Variants in MARCHF1 observed in about 807,000 individuals in gnomAD.
The protein encoded by MARCHF1 is E3 ubiquitin-protein ligase MARCHF1.
Under a neutral mutation model 54.2 loss-of-function variants are expected in MARCHF1, and 40 were observed. The ratio of observed to expected loss-of-function variants is 0.74; its 90% CI spans 0.57 to 0.96. The LOEUF (loss-of-function observed/expected upper bound fraction) is 0.96, where lower values mean the gene tolerates loss of function less well. Ranked by LOEUF, MARCHF1 falls within the 40% of genes least tolerant of loss-of-function variation. The pLI is 0.00. For missense variants in MARCHF1, 586 were observed against 656.5 expected (o/e 0.89, Z 1.17); for synonymous variants, 236 against 236.3 (o/e 1.00, Z 0.01).
At chr4:164,142,986 T>A (rs1193686641) in intron 1 of MARCHF1, among the ~76,000 whole-genome samples, 2 of 151,726 alleles carry the variant, frequency 1.3e-5, no homozygotes, top group Non-Finnish European at 1.5e-5. Context: ...ACGGAGCTGA[T>A]GGAGCTGAAA....
chr4:164,244,130 C>T (rs1579654259), intron 1 of MARCHF1, among the ~76,000 whole-genome samples: 1 of 151,940 alleles, frequency 6.6e-6, no homozygotes, highest in Non-Finnish European at 1.5e-5. Flanking sequence ...ACAGAACTCT[C>T]CACCCCAAAT....
chr4:164,111,497 A>G (rs940727808), intron 2 of MARCHF1, 91 bp downstream of exon 2: 1 of 151,816 alleles, frequency 6.6e-6, no homozygotes, highest in Non-Finnish European at 1.5e-5. Flanking sequence ...TTAAAACAAA[A>G]TTAAACTCTA....
intron 1 of MARCHF1, among the ~76,000 whole-genome samples, chr4:164,156,990 TAAGAC>T (rs1158789124): frequency 5.3e-5 from 8 of 152,190 alleles, no homozygotes; most frequent in Non-Finnish European, 1.2e-4. Context: ...ACAATGATGC[TAAGAC>T]TAGACATCAA....
intron 8 of MARCHF1, among the ~76,000 whole-genome samples, chr4:163,559,852 A>T (rs1739410215): frequency 6.6e-6 from 1 of 152,188 alleles, no homozygotes; most frequent in Admixed American, 6.5e-5. Flanking sequence ...ACATTTGTAC[A>T]TATAGGAAGA....
At chr4:164,067,167 A>C (rs1440302154) in intron 2 of MARCHF1, among the ~76,000 whole-genome samples, 1 of 152,178 alleles carries the variant, frequency 6.6e-6, no homozygotes, top group Non-Finnish European at 1.5e-5. Flanking sequence ...CATATGGCCC[A>C]AAGAAATTCA....
At chr4:163,914,576 A>G (rs866973722) in intron 3 of MARCHF1, among the ~76,000 whole-genome samples, 1 of 152,170 alleles carries the variant, frequency 6.6e-6, no homozygotes, top group South Asian at 2.1e-4. Context: ...AGTGATAAAT[A>G]TATCAGATGG....
intron 3 of MARCHF1, among the ~76,000 whole-genome samples, chr4:163,973,399 G>A (rs954176181): frequency 2.6e-5 from 4 of 152,222 alleles, no homozygotes; most frequent in African/African-American, 7.2e-5. Context: ...AAATGGTTGG[G>A]CTACATGTCC....
At chr4:163,942,884 T>C (rs1337408942) in intron 3 of MARCHF1, among the ~76,000 whole-genome samples, 1 of 151,806 alleles carries the variant, frequency 6.6e-6, no homozygotes, top group Non-Finnish European at 1.5e-5. Flanking sequence ...CATCAACCAA[T>C]ATCCCCCTTC....
intron 5 of MARCHF1, among the ~76,000 whole-genome samples, chr4:163,636,785 C>T (rs912957968): frequency 1.3e-5 from 2 of 152,056 alleles, no homozygotes; most frequent in African/African-American, 4.8e-5. Context: ...CCTGCATTGC[C>T]AAGTCAATCC....
At chr4:163,691,854 A>C (rs1319230217) in intron 5 of MARCHF1, among the ~76,000 whole-genome samples, 1 of 152,168 alleles carries the variant, frequency 6.6e-6, no homozygotes, top group Non-Finnish European at 1.5e-5. Context: ...TGTGTGGCTG[A>C]TGATCATAGC....
intron 5 of MARCHF1, among the ~76,000 whole-genome samples, chr4:163,667,825 C>T (rs773278529): frequency 3.9e-5 from 6 of 152,076 alleles, no homozygotes; most frequent in Non-Finnish European, 7.4e-5. Context: ...TGGGGTTTCA[C>T]CATGTTGCCC....
intron 4 of MARCHF1, among the ~76,000 whole-genome samples, chr4:163,725,582 A>G (rs906813463): frequency 1.3e-5 from 2 of 152,234 alleles, no homozygotes; most frequent in African/African-American, 4.8e-5. Context: ...AATGAATTAT[A>G]CATTTTCCAT....
At chr4:164,054,361 G>A (rs1560882005) in intron 2 of MARCHF1, among the ~76,000 whole-genome samples, 1 of 151,996 alleles carries the variant, frequency 6.6e-6, no homozygotes. Context: ...GTGCAAGTCA[G>A]TGTGGCGATT....
chr4:163,992,874 T>C (rs1752994764), intron 2 of MARCHF1, among the ~76,000 whole-genome samples: 1 of 151,354 alleles, frequency 6.6e-6, no homozygotes, highest in South Asian at 2.1e-4. Flanking sequence ...TTTCTGAAAA[T>C]AGAAACAAGG....
At chr4:163,936,578 CA>C (rs1227393861) in intron 3 of MARCHF1, among the ~76,000 whole-genome samples, 1 of 152,150 alleles carries the variant, frequency 6.6e-6, no homozygotes, top group Non-Finnish European at 1.5e-5. Context: ...GATGGTACTT[CA>C]AGCTTGTGGA....
chr4:163,931,173 G>T (rs1331279594), intron 3 of MARCHF1, among the ~76,000 whole-genome samples: 1 of 152,144 alleles, frequency 6.6e-6, no homozygotes, highest in African/African-American at 2.4e-5. Context: ...GCATTGGATG[G>T]AACCTCAATC....
At chr4:164,167,003 T>C (rs1730398945) in intron 1 of MARCHF1, among the ~76,000 whole-genome samples, 1 of 150,896 alleles carries the variant, frequency 6.6e-6, no homozygotes, top group African/African-American at 2.5e-5. Context: ...AAAGCTTATA[T>C]ACTCTCAGAC....
At chr4:164,066,074 G>A (rs918507488) in intron 2 of MARCHF1, among the ~76,000 whole-genome samples, 1 of 152,008 alleles carries the variant, frequency 6.6e-6, no homozygotes, top group Non-Finnish European at 1.5e-5. Flanking sequence ...CAGCTATCTA[G>A]GCACCCTTCA....
At chr4:163,970,985 A>G (rs1159037394) in intron 3 of MARCHF1, among the ~76,000 whole-genome samples, 6 of 152,208 alleles carry the variant, frequency 3.9e-5, no homozygotes, top group Non-Finnish European at 7.3e-5. Flanking sequence ...ATTTCTGAAC[A>G]TTACAGACTA....
Sources: gnomAD v4.1 joint callset for allele counts (sites outside exome capture counted in the v4.1 genomes callset) on GRCh38, gnomAD v4.1.1 for gene constraint, MANE v1.5 for transcripts, NCBI Gene and HGNC (gene_info 2026-07-23, HGNC 2026-07-21) for gene names.